EIF5B: variants seen among roughly 807,000 people sequenced by gnomAD.
EIF5B encodes the protein eIF-5B.
A neutral mutation model predicts 147.5 loss-of-function variants in EIF5B; 47 were observed. The observed-to-expected ratio is 0.32, with a 90% CI of 0.25 to 0.41. The LOEUF (loss-of-function observed/expected upper bound fraction) is 0.41, where lower values mean the gene tolerates loss of function less well. Ranked by LOEUF, EIF5B falls within the 10% of genes least tolerant of loss-of-function variation. The pLI, the probability that EIF5B is intolerant of heterozygous loss-of-function variation, is 1.00. For missense variants in EIF5B, 1,064 were observed against 1,413.2 expected (o/e 0.75, Z 3.96); for synonymous variants, 455 against 456.2 (o/e 1.00, Z 0.03).
At chr2:99,346,773 C>T (rs547655841) in intron 1 of EIF5B, among the ~76,000 whole-genome samples, 82 of 151,094 alleles carry the variant, frequency 5.4e-4, no homozygotes, top group African/African-American at 1.8e-3. Flanking sequence ...GGTTTCATCG[C>T]GTTAGCCAGG....
At chr2:99,377,584 G>A (rs1674589882) in intron 10 of EIF5B, among the ~76,000 whole-genome samples, 1 of 151,678 alleles carries the variant, frequency 6.6e-6, no homozygotes, top group Admixed American at 6.6e-5. Context: ...ACCCATGTTC[G>A]AGAGAGTGAT....
intron 4 of EIF5B, among the ~76,000 whole-genome samples, chr2:99,362,468 G>A (rs1674238633): frequency 6.6e-6 from 1 of 152,100 alleles, no homozygotes; most frequent in Non-Finnish European, 1.5e-5. Context: ...ACTTTGGGAG[G>A]CTGAGGCAGA....
At chr2:99,378,353 T>A (rs1389412242) in intron 10 of EIF5B, among the ~76,000 whole-genome samples, 1 of 152,208 alleles carries the variant, frequency 6.6e-6, no homozygotes. Flanking sequence ...CATGTGTTTT[T>A]GGTCCTCAGA....
intron 3 of EIF5B, among the ~76,000 whole-genome samples, chr2:99,360,762 G>A (rs941497546): frequency 4.6e-5 from 7 of 152,202 alleles, no homozygotes; most frequent in Non-Finnish European, 8.8e-5. Context: ...TTGGAGTTGT[G>A]ATGTAATCAC....
In EIF5B at chr2:99,361,565, T is replaced by G. The variant is rs200249768; in HGVS notation, c.664T>G (p.Ser222Ala). The G allele has an allele frequency of 1.0e-4, 162 of 1,612,030 alleles. No individual in the cohort carries two copies. The highest frequency in any genetic ancestry group is 1.3e-4 in the Non-Finnish European group (158 of 1,179,614). The stretch of plus-strand genomic sequence containing the variant: ...AAGTGGGAATGAAGATGATGACGCC[T>G]CCTTCAAAATTAAGACAGTGGCCCA... ...IESGNEDDDA[S>A]FKIKTVAQKK... Residue 222 changes from serine (S) to alanine (A), a missense_variant, in exon 4 of 24, where the codon TCC becomes GCC. Ser to Ala is a moderately conservative substitution (Grantham distance 99, BLOSUM62 1). This residue lies in a region of EIF5B where 458 missense variants were observed against 451.3 expected (regional missense o/e 1.01). Coordinates refer to ENST00000289371, the MANE Select transcript of EIF5B (RefSeq NM_015904.4).
intron 17 of EIF5B, 137 bp downstream of exon 17, chr2:99,390,842 G>C (rs1674913223): frequency 7.2e-6 from 7 of 966,724 alleles, no homozygotes; most frequent in Non-Finnish European, 1.0e-5. Flanking sequence ...TTTTATTTTA[G>C]TTGTCATCAT....
chr2:99,391,547 C>T (rs1248429080), intron 17 of EIF5B, among the ~76,000 whole-genome samples: 2 of 152,152 alleles, frequency 1.3e-5, no homozygotes, highest in Non-Finnish European at 2.9e-5. Context: ...TCCTGATCAA[C>T]TCCCCTGCCT....
chr2:99,383,046 C>A, intron 14 of EIF5B, 125 bp downstream of exon 14: 1 of 1,058,614 alleles, frequency 9.4e-7, no homozygotes, highest in African/African-American at 1.6e-5. Context: ...TATTGTGCTT[C>A]ACAGATATTG....
At chr2:99,391,242 T>G (rs1043339511) in intron 17 of EIF5B, among the ~76,000 whole-genome samples, 7 of 152,224 alleles carry the variant, frequency 4.6e-5, no homozygotes, top group African/African-American at 1.7e-4. Flanking sequence ...ATCATCATAA[T>G]GGTCCTCATT....
intron 1 of EIF5B, among the ~76,000 whole-genome samples, chr2:99,352,093 A>G (rs935116647): frequency 3.9e-5 from 6 of 152,162 alleles, no homozygotes; most frequent in Admixed American, 6.6e-5. Context: ...TGTCTGTTCA[A>G]TCATTTTCCC....
intron 21 of EIF5B, 26 bp from the exon 22 acceptor site, chr2:99,396,734 A>G (rs1675056736): frequency 4.4e-6 from 7 of 1,577,548 alleles, no homozygotes; most frequent in Non-Finnish European, 4.3e-6. Flanking sequence ...CTGTAAGCTT[A>G]AAATTCTTTT....
intron 1 of EIF5B, among the ~76,000 whole-genome samples, chr2:99,355,059 T>C (rs1674067095): frequency 6.6e-6 from 1 of 152,118 alleles, no homozygotes; most frequent in South Asian, 2.1e-4. Flanking sequence ...TGCCTCGGCC[T>C]CCCAAAGTGT....
In EIF5B at chr2:99,379,055, G is replaced by A. The variant is rs1284650330; in HGVS notation, c.1879G>A (p.Glu627Lys). Residue 627 changes from glutamate to lysine, a missense_variant, in exon 11 of 24, where the codon GAA becomes AAA. Around this residue, in one of 4 missense-constraint regions of EIF5B, gnomAD observed 380 missense variants for 715.6 expected, o/e 0.53. Transcript: ENST00000289371. ...RLEHSKNVNT[E>K]KLRAPIICVL... ...TGAACATAGTAAAAATGTAAACACCGAAAAGCTAAGAGCCCCTATTATCTG... is the reference window on the plus strand; with the variant it reads ...TGAACATAGTAAAAATGTAAACACCAAAAAGCTAAGAGCCCCTATTATCTG... 2.5e-6 allele frequency: 4 copies of A among 1,582,848 alleles called. No individual in the cohort carries two copies. The highest frequency in any genetic ancestry group is 2.3e-5 in the East Asian group (1 of 44,302).
intron 21 of EIF5B, 57 bp downstream of exon 21, chr2:99,394,940 A>C: frequency 6.9e-7 from 1 of 1,450,566 alleles, no homozygotes; most frequent in East Asian, 2.3e-5. Context: ...ATTGAGAATT[A>C]CTGAATTCCA....
rs753436551 is a variant in EIF5B at position 99,371,713 on chromosome 2, A to T, written c.1535A>T (p.Asp512Val). The change falls in exon 9 of 24, where the codon GAT becomes GTT. Residue 512 changes from aspartate to valine, a missense_variant. This residue lies in a region of EIF5B where 195 missense variants were observed against 186.3 expected (regional missense o/e 1.05). Coordinates refer to ENST00000289371, the MANE Select transcript of EIF5B (RefSeq NM_015904.4). ...GATGATTGGGAAGCTATGGCCAGTGATGAGGAGACAGAAAAAGGTGAATAC... is the reference window on the plus strand; with the variant it reads ...GATGATTGGGAAGCTATGGCCAGTGTTGAGGAGACAGAAAAAGGTGAATAC... Reference protein sequence around the residue: ...GLDDWEAMASDEETEKVEGNK... With the variant: ...GLDDWEAMASVEETEKVEGNK... 6.2e-7 allele frequency: 1 copy of T among 1,613,096 alleles called. No individual in the cohort carries two copies. The highest frequency in any genetic ancestry group is 8.5e-7 in the Non-Finnish European group (1 of 1,179,472).
In EIF5B at chr2:99,398,679, A is replaced by C. The variant is rs1559263050; in HGVS notation, c.3394-69A>C. On this transcript the variant is annotated intron_variant, in intron 22 of 23. Coordinates refer to ENST00000289371, the MANE Select transcript of EIF5B (RefSeq NM_015904.4). ...TTTTGCTCTAGTTCTTACTTCAGCT[A>C]TCCAGCCATGGCGCCTGTGATTGGC... The C allele has an allele frequency of 6.7e-6, 10 of 1,486,200 alleles. No individual in the cohort carries two copies. The East Asian group carries it at 1.8e-4, about 27-fold the overall frequency. The allele number at this position is 1,486,200 out of a possible 1,614,324, so 92.1% of individuals were successfully genotyped here.
At chr2:99,374,624 A>G (rs1413061569) in intron 9 of EIF5B, among the ~76,000 whole-genome samples, 1 of 152,106 alleles carries the variant, frequency 6.6e-6, no homozygotes, top group Non-Finnish European at 1.5e-5. Context: ...TAACACTTTG[A>G]AGTTATTATT....
In EIF5B at chr2:99,337,435, G is replaced by T. The variant is rs929263201; in HGVS notation, c.-120G>T. On this transcript the variant is annotated 5_prime_UTR_variant, in exon 1 of 24. Coordinates refer to ENST00000289371, the MANE Select transcript of EIF5B (RefSeq NM_015904.4). ...AGTGCGCGGGTCTGTGGAGAGCCGG[G>T]TGCGAGCGGCGGCAGCACGAGGGGA... 5.7e-5 allele frequency: 74 copies of T among 1,288,038 alleles called. No homozygotes were observed. The highest frequency in any genetic ancestry group is 1.2e-4 in the Admixed American group (6 of 50,580). 79.8% of individuals were successfully genotyped at this position (1,288,038 alleles called of 1,614,324 possible).
chr2:99,350,890 A>G (rs1673939032), intron 1 of EIF5B, among the ~76,000 whole-genome samples: 1 of 152,244 alleles, frequency 6.6e-6, no homozygotes, highest in African/African-American at 2.4e-5. Context: ...AAGTGGTGAG[A>G]TGAGAATGAA....
Sources: allele counts gnomAD v4.1 joint callset (sites outside exome capture counted in the v4.1 genomes callset), GRCh38; gene constraint gnomAD v4.1.1; regional missense constraint gnomAD v4.1.1; transcripts MANE v1.5; gene names NCBI Gene and HGNC (gene_info 2026-07-23, HGNC 2026-07-21).